Variants in PTPRK observed in about 807,000 individuals in gnomAD.
PTPRK encodes the protein receptor-type tyrosine-protein phosphatase kappa.
Under a neutral mutation model 178.0 loss-of-function variants are expected in PTPRK, and 75 were observed. That is an observed-to-expected ratio of 0.42 (90% CI 0.35 to 0.51). The LOEUF is 0.51. Ranked by LOEUF, PTPRK falls within the 20% of genes least tolerant of loss-of-function variation. The probability of loss-of-function intolerance (pLI) is 0.02; values close to 1 mark genes in which losing one functional copy is unlikely to be tolerated. For synonymous variants in PTPRK, 637 were observed against 620.6 expected (o/e 1.03, Z -0.39); for missense variants, 1,441 against 1,797.8 (o/e 0.80, Z 3.59).
rs755526385 is a variant in PTPRK, at chr6:127,976,934, C to T, written c.3832G>A (p.Asp1278Asn). Residue 1278 changes from aspartate to asparagine, a missense_variant, in exon 26 of 30, where the codon GAC (aspartate) becomes AAC (asparagine). Physicochemically the swap from Asp to Asn is conservative, Grantham distance 23. Around this residue, in one of 4 missense-constraint regions of PTPRK, gnomAD observed 335 missense variants for 512.4 expected, o/e 0.65. Transcript: ENST00000368226. ...CCATAGCCATTAACCTGGGACAAGT[C>T]GACTTCGTTTAACATCACAATGGAG... ...CTSIVMLNEV[D>N]LSQGCPQYWP... 3.0e-5 allele frequency: 48 copies of T among 1,613,810 alleles called. No homozygotes were observed. The highest frequency in any genetic ancestry group is 2.2e-4 in the Admixed American group (13 of 59,996).
At chr6:128,411,891 A>G (rs1386615889) in intron 1 of PTPRK, among the ~76,000 whole-genome samples, 1 of 152,148 alleles carries the variant, frequency 6.6e-6, no homozygotes, top group East Asian at 1.9e-4. Context: ...TAATTTATTG[A>G]TGATATTTGG....
intron 3 of PTPRK, among the ~76,000 whole-genome samples, chr6:128,290,327 A>C (rs1823180819): frequency 1.3e-5 from 2 of 152,090 alleles, no homozygotes; most frequent in Admixed American, 1.3e-4. Context: ...AAAACCCACA[A>C]AGATATGCTT....
chr6:128,182,671 C>T (rs1448534852), intron 7 of PTPRK, among the ~76,000 whole-genome samples: 1 of 152,116 alleles, frequency 6.6e-6, no homozygotes, highest in South Asian at 2.1e-4. Flanking sequence ...AATATTTTTA[C>T]TTAAACAGTC....
Position 128,005,204 on chromosome 6 carries a change from G to A in PTPRK, c.2374C>T (p.Arg792Trp), listed in dbSNP as rs1404970228. 1.2e-6 allele frequency: 2 copies of A among 1,611,192 alleles called. No individual in the cohort carries two copies. The highest frequency in any genetic ancestry group is 1.7e-6 in the Non-Finnish European group (2 of 1,178,358). The change falls in exon 15 of 30, where the codon CGG (arginine) becomes TGG (tryptophan). Residue 792 changes from arginine to tryptophan, a missense_variant. This residue lies in a region of PTPRK where 945 missense variants were observed against 1,080.6 expected (regional missense o/e 0.87). Transcript: ENST00000368226. Reference sequence around the variant, plus strand: ...TTCACCATGTGAGTCATCTCCTGCCGGGTATTCCCCATGGCATCTTTGCGT... The same window carrying A: ...TTCACCATGTGAGTCATCTCCTGCCAGGTATTCCCCATGGCATCTTTGCGT... ...KKRKDAMGNT[R>W]QEMTHMVNAM...
chr6:128,400,390 C>T (rs1840866036), intron 1 of PTPRK, among the ~76,000 whole-genome samples: 1 of 152,024 alleles, frequency 6.6e-6, no homozygotes. Context: ...TCAAATAACT[C>T]TGTATAATGA....
chr6:128,203,508 T>C (rs932334882), intron 6 of PTPRK, among the ~76,000 whole-genome samples: 2 of 152,202 alleles, frequency 1.3e-5, no homozygotes, highest in Non-Finnish European at 2.9e-5. Flanking sequence ...GCAGATGACA[T>C]GATCCTATAC....
chr6:128,086,345 T>C (rs1785821557), intron 8 of PTPRK, among the ~76,000 whole-genome samples: 1 of 151,832 alleles, frequency 6.6e-6, no homozygotes, highest in African/African-American at 2.4e-5. Context: ...TCTGCTGAGC[T>C]AACTTTATAA....
intron 1 of PTPRK, among the ~76,000 whole-genome samples, chr6:128,503,589 T>A (rs966180173): frequency 3.9e-5 from 6 of 152,244 alleles, no homozygotes; most frequent in Admixed American, 2.0e-4. Flanking sequence ...TTTGATTAAC[T>A]TAACCAAACT....
At chr6:128,178,448 T>C (rs1183655174) in intron 7 of PTPRK, among the ~76,000 whole-genome samples, 2 of 151,524 alleles carry the variant, frequency 1.3e-5, no homozygotes, top group Non-Finnish European at 2.9e-5. Context: ...TAATGTATTA[T>C]ACCATTTTTT....
intron 5 of PTPRK, among the ~76,000 whole-genome samples, chr6:128,236,263 A>G (rs1358634172): frequency 6.6e-6 from 1 of 152,008 alleles, no homozygotes; most frequent in Non-Finnish European, 1.5e-5. Flanking sequence ...TATCCAGAAT[A>G]CATGCTACTT....
At chr6:128,357,478 G>A (rs550096972) in intron 2 of PTPRK, among the ~76,000 whole-genome samples, 1 of 152,280 alleles carries the variant, frequency 6.6e-6, no homozygotes, top group African/African-American at 2.4e-5. Flanking sequence ...GAGCAGGAGA[G>A]AGATATGGGG....
Position 128,371,292 on chromosome 6 carries a change from C to T in PTPRK, c.223+26274G>A, listed in dbSNP as rs9388632. On this transcript the variant is annotated intron_variant, in intron 2 of 29. Transcript: ENST00000368226. Reference sequence around the variant, plus strand: ...TGTGAAGTTAGTATAAAACAAACGGCTACTTCAATATCAATCAAATGAAAC... The same window carrying T: ...TGTGAAGTTAGTATAAAACAAACGGTTACTTCAATATCAATCAAATGAAAC... Among the ~76,000 whole-genome samples, 3 of 152,294 alleles carry T rather than the reference C, an allele frequency of 2.0e-5. No individual in the cohort carries two copies. The East Asian group carries it at 5.8e-4, about 29-fold the overall frequency.
chr6:128,198,076 G>A (rs937112155), intron 6 of PTPRK, among the ~76,000 whole-genome samples: 8 of 151,992 alleles, frequency 5.3e-5, no homozygotes, highest in African/African-American at 1.9e-4. Flanking sequence ...CTCTCAGCTC[G>A]GGACCCAAAT....
chr6:128,041,263 GTCACCAT>G (rs1405885837), intron 13 of PTPRK, among the ~76,000 whole-genome samples: 1 of 151,918 alleles, frequency 6.6e-6, no homozygotes, highest in African/African-American at 2.4e-5. Flanking sequence ...ACACATAGTG[GTCACCAT>G]TCATTCAAGA....
At chr6:128,404,559 C>A (rs937303476) in intron 1 of PTPRK, among the ~76,000 whole-genome samples, 1 of 152,142 alleles carries the variant, frequency 6.6e-6, no homozygotes, top group African/African-American at 2.4e-5. Context: ...AGCAGGGGAT[C>A]CCGAAGTGTG....
intron 2 of PTPRK, among the ~76,000 whole-genome samples, chr6:128,386,577 G>A (rs761686357): frequency 4.3e-4 from 65 of 152,064 alleles, no homozygotes; most frequent in Non-Finnish European, 7.6e-4. Context: ...CTTCTGAAAA[G>A]AAGAAGAAAC....
chr6:128,112,807 C>T (rs1320275984), intron 7 of PTPRK, among the ~76,000 whole-genome samples: 6 of 152,210 alleles, frequency 3.9e-5, no homozygotes, highest in Admixed American at 3.3e-4. Flanking sequence ...TATTCTTTTG[C>T]TTTCACTTTG....
intron 6 of PTPRK, among the ~76,000 whole-genome samples, chr6:128,206,862 C>T (rs1410729500): frequency 6.6e-6 from 1 of 152,192 alleles, no homozygotes; most frequent in East Asian, 1.9e-4. Flanking sequence ...TCAGAAGACA[C>T]ATGGAAAGTG....
intron 3 of PTPRK, among the ~76,000 whole-genome samples, chr6:128,285,720 C>G (rs6914327): frequency 0.053 from 7,978 of 151,906 alleles, 702 homozygotes; most frequent in African/African-American, 0.18. Context: ...CAGGAGAATT[C>G]CTTGAACCCG....
Sources: allele counts gnomAD v4.1 joint callset (sites outside exome capture counted in the v4.1 genomes callset), GRCh38; gene constraint gnomAD v4.1.1; regional missense constraint gnomAD v4.1.1; transcripts MANE v1.5; gene names NCBI Gene and HGNC (gene_info 2026-07-23, HGNC 2026-07-21).